The following DAB1 variants were observed in gnomAD, a reference collection of about 807,000 sequenced individuals.
DAB1 encodes the protein disabled homolog 1.
DAB1 carries 15 observed loss-of-function variants against 64.6 expected under a neutral mutation model. The ratio of observed to expected loss-of-function variants is 0.23; its 90% CI spans 0.16 to 0.36. The LOEUF (loss-of-function observed/expected upper bound fraction) is 0.36, where lower values mean the gene tolerates loss of function less well. DAB1 is among the 10% of genes least tolerant of loss of function. The pLI is 1.00. For synonymous variants in DAB1, 235 were observed against 251.9 expected, an observed-to-expected ratio of 0.93 and a Z score of 0.64; for missense variants, 596 against 706.7, an observed-to-expected ratio of 0.84 and a Z score of 1.78.
intron 4 of DAB1, among the ~76,000 whole-genome samples, chr1:58,219,659 A>G (rs918673207): frequency 6.6e-6 from 1 of 152,160 alleles, no homozygotes; most frequent in Non-Finnish European, 1.5e-5. Context: ...GCTCACTAAG[A>G]TGGGTGCTCC....
At chr1:57,058,724 G>A (rs544793712) in intron 9 of DAB1, among the ~76,000 whole-genome samples, 1 of 152,350 alleles carries the variant, frequency 6.6e-6, no homozygotes, top group Admixed American at 6.5e-5. Context: ...GAAGACCAAA[G>A]ACCGAATAGA....
chr1:57,016,226 G>T (rs1394857614), intron 11 of DAB1, among the ~76,000 whole-genome samples: 1 of 151,966 alleles, frequency 6.6e-6, no homozygotes, highest in Non-Finnish European at 1.5e-5. Context: ...TGTAATAAAT[G>T]GTAGCGAGAG....
chr1:57,528,382 C>T (rs992932771), intron 7 of DAB1, among the ~76,000 whole-genome samples: 3 of 151,872 alleles, frequency 2.0e-5, no homozygotes, highest in African/African-American at 7.3e-5. Flanking sequence ...ACCTGTATGA[C>T]AATATTGAGC....
At chr1:57,793,212 G>C (rs1650686382) in intron 6 of DAB1, among the ~76,000 whole-genome samples, 1 of 152,050 alleles carries the variant, frequency 6.6e-6, no homozygotes, top group South Asian at 2.1e-4. Context: ...AAACGAACAG[G>C]GCATTTTTCC....
Position 57,256,944 on chromosome 1 carries a change from T to C in DAB1, c.67+34020A>G, listed in dbSNP as rs544326386. On this transcript the variant is annotated intron_variant, in intron 2 of 14. Transcript: ENST00000371236. ...CCCATCCCAGTGCCTAGACCTAGTC[T>C]GACTGAAGCAGGATTTATACCATGG... 1.7e-3 allele frequency among the ~76,000 whole-genome samples: 259 copies of C among 152,326 alleles called. 1 individual carries two copies. The highest frequency in any genetic ancestry group is 3.1e-3 in the Non-Finnish European group (213 of 68,030).
chr1:58,354,943 CT>C (rs1162216457), intron 3 of DAB1, among the ~76,000 whole-genome samples: 2 of 152,158 alleles, frequency 1.3e-5, no homozygotes, highest in African/African-American at 4.8e-5. Flanking sequence ...AATCTTCCCC[CT>C]CTAAGTTAGT....
At chr1:57,691,471 G>A (rs1646763312) in intron 6 of DAB1, among the ~76,000 whole-genome samples, 1 of 151,996 alleles carries the variant, frequency 6.6e-6, no homozygotes. Context: ...AACCTGCTAA[G>A]GTCCCCTTCC....
chr1:58,426,523 AG>A (rs1644823203), intron 3 of DAB1, among the ~76,000 whole-genome samples: 2 of 152,230 alleles, frequency 1.3e-5, no homozygotes, highest in South Asian at 4.1e-4. Flanking sequence ...CTGGAGATCC[AG>A]GGGAGCCAAT....
At chr1:57,507,235 T>C (rs1015006586) in intron 7 of DAB1, among the ~76,000 whole-genome samples, 5 of 152,174 alleles carry the variant, frequency 3.3e-5, no homozygotes, top group African/African-American at 9.6e-5. Flanking sequence ...TCCAGCCAGA[T>C]TGGTCCACTC....
At chr1:58,189,104 T>A (rs1657247813) in intron 4 of DAB1, among the ~76,000 whole-genome samples, 1 of 152,214 alleles carries the variant, frequency 6.6e-6, no homozygotes, top group African/African-American at 2.4e-5. Flanking sequence ...ACCTTTAAAA[T>A]GTGTTAACTG....
chr1:58,492,409 T>G (rs1645713076), intron 3 of DAB1, among the ~76,000 whole-genome samples: 1 of 147,556 alleles, frequency 6.8e-6, no homozygotes, highest in African/African-American at 2.5e-5. Context: ...AGAAAATAAC[T>G]AAGATCAGAG....
intron 4 of DAB1, among the ~76,000 whole-genome samples, chr1:58,209,940 G>T (rs1486862752): frequency 6.6e-6 from 1 of 152,090 alleles, no homozygotes; most frequent in Non-Finnish European, 1.5e-5. Flanking sequence ...TTTCCTAGGA[G>T]AAATTATCAA....
At chr1:58,162,575 C>T (rs2100751650) in intron 4 of DAB1, among the ~76,000 whole-genome samples, 1 of 152,122 alleles carries the variant, frequency 6.6e-6, no homozygotes, top group East Asian at 1.9e-4. Flanking sequence ...AATTGCACAG[C>T]ATACACAAAC....
intron 3 of DAB1, among the ~76,000 whole-genome samples, chr1:58,395,110 G>A (rs1394260494): frequency 2.0e-5 from 3 of 152,114 alleles, no homozygotes; most frequent in Admixed American, 6.6e-5. Flanking sequence ...CATCTAAAGT[G>A]AGAGGCCCTG....
intron 1 of DAB1, among the ~76,000 whole-genome samples, chr1:58,535,932 T>C (rs1024405315): frequency 6.6e-6 from 1 of 152,140 alleles, no homozygotes; most frequent in Non-Finnish European, 1.5e-5. Flanking sequence ...ATCTATTTAT[T>C]CAATAAATAT....
intron 1 of DAB1, chr1:57,307,175 T>C (rs1348698528): frequency 6.6e-6 from 1 of 152,212 alleles, no homozygotes; most frequent in Non-Finnish European, 1.5e-5. Flanking sequence ...GCCAAATACC[T>C]TCTCTTTTGT....
At chr1:58,335,178 C>T (rs566553859) in intron 4 of DAB1, among the ~76,000 whole-genome samples, 89 of 152,096 alleles carry the variant, frequency 5.9e-4, no homozygotes, top group Non-Finnish European at 1.1e-3. Context: ...GTACAAAAAC[C>T]AGGAGGAAGA....
chr1:58,435,281 C>CT (rs1194328846), intron 3 of DAB1, among the ~76,000 whole-genome samples: 1 of 152,186 alleles, frequency 6.6e-6, no homozygotes, highest in African/African-American at 2.4e-5. Flanking sequence ...CTTTCTGTCT[C>CT]TGTCTCTATG....
chr1:58,490,567 A>G (rs1034366655), intron 3 of DAB1, among the ~76,000 whole-genome samples: 2 of 152,164 alleles, frequency 1.3e-5, no homozygotes, highest in African/African-American at 4.8e-5. Flanking sequence ...GCAGGCCAAC[A>G]TTCAAATTCA....
Sources: allele counts gnomAD v4.1 joint callset (sites outside exome capture counted in the v4.1 genomes callset), GRCh38; gene constraint gnomAD v4.1.1; transcripts MANE v1.5; gene names NCBI Gene and HGNC (gene_info 2026-07-23, HGNC 2026-07-21).